The following DLG5 variants were observed in gnomAD, a reference collection of about 807,000 sequenced individuals.
DLG5 encodes the protein disks large homolog 5.
A neutral mutation model predicts 189.8 loss-of-function variants in DLG5; 48 were observed. The observed-to-expected ratio is 0.25, with a 90% confidence interval of 0.20 to 0.32. The LOEUF (loss-of-function observed/expected upper bound fraction) is 0.32. Ranked by LOEUF, DLG5 falls within the 10% of genes least tolerant of loss-of-function variation. The pLI is 1.00. For synonymous variants in DLG5, 1,016 were observed against 1,054.1 expected (o/e 0.96, Z 0.70); for missense variants, 2,160 against 2,544.7 (o/e 0.85, Z 3.25).
chr10:77,842,872 T>C (rs1469107780), intron 6 of DLG5, among the ~76,000 whole-genome samples: 2 of 152,226 alleles, frequency 1.3e-5, no homozygotes, highest in Non-Finnish European at 2.9e-5. Context: ...AGCAGAGACA[T>C]CTGTCTGGGT....
chr10:77,854,486 C>CCA, intron 3 of DLG5, 116 bp from the exon 4 acceptor site: 8 of 1,318,474 alleles, frequency 6.1e-6, no homozygotes, highest in South Asian at 5.6e-5. Context: ...CTTCTATGCA[C>CCA]CACACACACC....
At chr10:77,802,159 G>C (rs539255510) in intron 27 of DLG5, among the ~76,000 whole-genome samples, 1 of 152,316 alleles carries the variant, frequency 6.6e-6, no homozygotes, top group East Asian at 1.9e-4. Flanking sequence ...CAGTGGTCCT[G>C]AGTGTGGACT....
intron 1 of DLG5, among the ~76,000 whole-genome samples, chr10:77,879,463 T>G (rs1287288884): frequency 6.6e-6 from 1 of 151,856 alleles, no homozygotes; most frequent in Non-Finnish European, 1.5e-5. Context: ...CTGACTTACA[T>G]CTACTTAGGC....
chr10:77,829,925 T>G (rs184342153), intron 11 of DLG5, among the ~76,000 whole-genome samples: 1 of 152,252 alleles, frequency 6.6e-6, no homozygotes, highest in East Asian at 1.9e-4. Context: ...TTTCCCTGAA[T>G]GAGCATGCCA....
intron 1 of DLG5, among the ~76,000 whole-genome samples, chr10:77,925,698 G>C (rs568567585): frequency 3.9e-5 from 6 of 152,368 alleles, no homozygotes; most frequent in Non-Finnish European, 8.8e-5. Context: ...TCAGCCACCA[G>C]TCTGGGAGAG....
chr10:77,847,308 C>T (rs995827938), intron 5 of DLG5, among the ~76,000 whole-genome samples: 1 of 152,162 alleles, frequency 6.6e-6, no homozygotes, highest in Non-Finnish European at 1.5e-5. Flanking sequence ...CAAGTGAAAG[C>T]TCCTTGGGAT....
chr10:77,821,854 A>G lies in DLG5; in HGVS notation c.2630T>C (p.Leu877Ser). 5.0e-6 allele frequency: 8 copies of G among 1,613,996 alleles called. No individual in the cohort carries two copies. Among genetic ancestry groups the G allele is most frequent in the Non-Finnish European group, 6.8e-6 (8 of 1,179,932 alleles). ...FLHKPFPGGP[L>S]QVCPQACPSA... The stretch of plus-strand genomic sequence containing the variant: ...GGGACAGGCCTGGGGGCAGACCTGC[A>G]AGGGTCCCCCAGGGAATGGCTTATG... Residue 877 changes from leucine (L) to serine (S), a missense_variant, in exon 15 of 32, where the codon TTG becomes TCG. This residue lies in a region of DLG5 where 754 missense variants were observed against 746.5 expected (regional missense o/e 1.01). Transcript: ENST00000372391.
chr10:77,824,415 C>A lies in DLG5; in HGVS notation c.2351G>T (p.Cys784Phe). 6.2e-7 allele frequency: 1 copy of A among 1,614,010 alleles called. No homozygotes were observed. Among genetic ancestry groups the A allele is most frequent in the Non-Finnish European group, 8.5e-7 (1 of 1,179,918 alleles). Reference sequence around the variant, plus strand: ...GAGGGACAGGGTCAGGGAGTCCTGGCAGCTGCGCAGCAGAGATTCACATTC... The same window carrying A: ...GAGGGACAGGGTCAGGGAGTCCTGGAAGCTGCGCAGCAGAGATTCACATTC... The part of the protein sequence containing the change: ...LNECESLLRS[C>F]QDSLTLSLLK... Residue 784 changes from cysteine (C) to phenylalanine (F), a missense_variant, in exon 14 of 32, where the codon TGC becomes TTC. Cys to Phe is a radical substitution (Grantham distance 205). Coordinates refer to ENST00000372391, the MANE Select transcript of DLG5 (RefSeq NM_004747.4).
At chr10:77,854,767 C>T (rs975263010) in intron 3 of DLG5, among the ~76,000 whole-genome samples, 5 of 152,092 alleles carry the variant, frequency 3.3e-5, no homozygotes, top group Non-Finnish European at 7.4e-5. Flanking sequence ...AGGTGGATCA[C>T]TTGAAGCCAG....
At chr10:77,823,035 T>C (rs1048819831) in intron 14 of DLG5, among the ~76,000 whole-genome samples, 5 of 152,236 alleles carry the variant, frequency 3.3e-5, no homozygotes, top group Non-Finnish European at 7.3e-5. Context: ...ACACCAAGAC[T>C]GAACCTTAAT....
At chr10:77,839,356 C>G (rs1221359853) in intron 7 of DLG5, among the ~76,000 whole-genome samples, 2 of 152,052 alleles carry the variant, frequency 1.3e-5, no homozygotes, top group Non-Finnish European at 2.9e-5. Flanking sequence ...CAAAAATTAG[C>G]TGGGCGTACT....
intron 7 of DLG5, among the ~76,000 whole-genome samples, chr10:77,840,357 G>C (rs1843358774): frequency 6.6e-6 from 1 of 151,728 alleles, no homozygotes. Context: ...CCAGCCTGGG[G>C]AACAGAGAGG....
intron 6 of DLG5, among the ~76,000 whole-genome samples, 173 bp from the exon 7 acceptor site, chr10:77,842,366 C>A (rs372128841): frequency 1.3e-5 from 2 of 152,226 alleles, no homozygotes; most frequent in African/African-American, 4.8e-5. Flanking sequence ...CCAGTGCCCC[C>A]GGACCTGGAA....
intron 1 of DLG5, among the ~76,000 whole-genome samples, chr10:77,917,755 A>G (rs1781818): frequency 0.99 from 151,352 of 152,300 alleles, 75,208 homozygotes; most frequent in East Asian, 1. Flanking sequence ...GGCTGGGCGC[A>G]GTGGCTCACG....
intron 13 of DLG5, among the ~76,000 whole-genome samples, chr10:77,826,768 C>G (rs1338209627): frequency 6.6e-6 from 1 of 152,092 alleles, no homozygotes; most frequent in African/African-American, 2.4e-5. Flanking sequence ...GCCAAAATGG[C>G]GAAACCCCGT....
chr10:77,925,839 C>G (rs553981493), intron 1 of DLG5, among the ~76,000 whole-genome samples: 1 of 152,234 alleles, frequency 6.6e-6, no homozygotes, highest in East Asian at 1.9e-4. Context: ...TTCTTCTGGA[C>G]GGTACCCTTG....
In DLG5 at chr10:77,812,074, A is replaced by T. The variant is rs774658425; in HGVS notation, c.4189-17T>A. 4 of 1,607,956 alleles carry T rather than the reference A, an allele frequency of 2.5e-6. No individual in the cohort carries two copies. Among genetic ancestry groups the T allele is most frequent in the Non-Finnish European group, 3.4e-6 (4 of 1,179,716 alleles). On this transcript the variant is annotated splice_polypyrimidine_tract_variant and intron_variant, in intron 21 of 31. Coordinates refer to ENST00000372391, the MANE Select transcript of DLG5 (RefSeq NM_004747.4). ...GCCGTTGAACTGGGGAAACACCAGG[A>T]TGGGCTCAGTGGGGGGGTCGGGGCT...
At chr10:77,888,081 T>C (rs16935422) in intron 1 of DLG5, among the ~76,000 whole-genome samples, 5,442 of 152,314 alleles carry the variant, frequency 0.036, 332 homozygotes, top group African/African-American at 0.12. Flanking sequence ...AAACATGCGT[T>C]TTCCTCGGGG....
chr10:77,837,842 C>A (rs1208867640), intron 7 of DLG5, among the ~76,000 whole-genome samples: 1 of 152,128 alleles, frequency 6.6e-6, no homozygotes, highest in Non-Finnish European at 1.5e-5. Flanking sequence ...TGAACAAAGG[C>A]GTGGGAAGAG....
Sources: allele counts gnomAD v4.1 joint callset (sites outside exome capture counted in the v4.1 genomes callset), GRCh38; gene constraint gnomAD v4.1.1; regional missense constraint gnomAD v4.1.1; transcripts MANE v1.5; gene names NCBI Gene and HGNC (gene_info 2026-07-23, HGNC 2026-07-21).